DENND5A: variants seen among roughly 807,000 people sequenced by gnomAD.
DENND5A encodes DENN domain containing 5A.
Under a neutral mutation model 140.3 loss-of-function variants are expected in DENND5A, and 64 were observed. The ratio of observed to expected loss-of-function variants is 0.46; its 90% CI spans 0.37 to 0.56. DENND5A has a LOEUF of 0.56. DENND5A is among the 20% of genes least tolerant of loss of function. The probability of loss-of-function intolerance (pLI) is 0.00; values close to 1 mark genes in which losing one functional copy is unlikely to be tolerated. For synonymous variants in DENND5A, 605 were observed against 607.7 expected, an observed-to-expected ratio of 1.00 and a Z score of 0.07; for missense variants, 1,292 against 1,593.8, an observed-to-expected ratio of 0.81 and a Z score of 3.22.
At chr11:9,148,641 T>C (rs776937948) in intron 15 of DENND5A, among the ~76,000 whole-genome samples, 6 of 152,150 alleles carry the variant, frequency 3.9e-5, no homozygotes, top group Admixed American at 1.3e-4. Flanking sequence ...ATTTTCAGTG[T>C]AGGTACGGAG....
intron 15 of DENND5A, among the ~76,000 whole-genome samples, chr11:9,148,319 C>T (rs747800593): frequency 6.6e-5 from 10 of 150,838 alleles, no homozygotes; most frequent in South Asian, 6.3e-4. Context: ...AGAAGTTAAG[C>T]TACTGTACCA....
intron 8 of DENND5A, among the ~76,000 whole-genome samples, chr11:9,172,451 G>C (rs530087925): frequency 3.3e-5 from 5 of 152,244 alleles, no homozygotes; most frequent in African/African-American, 1.2e-4. Context: ...CTCCATGTCC[G>C]CACCCAAATC....
chr11:9,240,647 T>G (rs1045561135), intron 1 of DENND5A, among the ~76,000 whole-genome samples: 1 of 151,776 alleles, frequency 6.6e-6, no homozygotes, highest in Non-Finnish European at 1.5e-5. Flanking sequence ...GAGGCAGAGT[T>G]TGCAGTGAGC....
rs1358825164 is a variant in DENND5A at position 9,139,192 on chromosome 11, C to T, written c.*479G>A. The T allele has an allele frequency of 6.5e-6, 1 of 153,860 alleles. No homozygotes were observed. Among genetic ancestry groups the T allele is most frequent in the African/African-American group, 2.4e-5 (1 of 41,472 alleles). 9.5% of individuals were successfully genotyped at this position (153,860 alleles called of 1,614,324 possible). ...TGCTTAGAGGCACTACTAAAAATCC[C>T]TTTGATTGGAGCATGGGGCTTCCCG... On this transcript the variant is annotated 3_prime_UTR_variant, in exon 23 of 23. Transcript: ENST00000328194.
intron 8 of DENND5A, among the ~76,000 whole-genome samples, chr11:9,173,179 G>A (rs1460722235): frequency 6.6e-6 from 1 of 151,314 alleles, no homozygotes; most frequent in Non-Finnish European, 1.5e-5. Context: ...CTATACTCAG[G>A]GAAAATACCT....
At chr11:9,258,935 T>C (rs1852070766) in intron 1 of DENND5A, among the ~76,000 whole-genome samples, 1 of 152,140 alleles carries the variant, frequency 6.6e-6, no homozygotes, top group Non-Finnish European at 1.5e-5. Context: ...GTCACCTTTT[T>C]CTCTTTCTTA....
chr11:9,145,919 TGCTATCTCAGCTCAA>T, intron 16 of DENND5A, 104 bp from the exon 17 acceptor site: 1 of 1,254,198 alleles, frequency 8.0e-7, no homozygotes, highest in South Asian at 1.3e-5. Flanking sequence ...CTGTGGCTCC[TGCTATCTCAGCTCAA>T]GCAGAGCCCT....
At chr11:9,251,138 C>CA (rs887593530) in intron 1 of DENND5A, among the ~76,000 whole-genome samples, 3,933 of 90,048 alleles carry the variant, frequency 0.044, 142 homozygotes, top group African/African-American at 0.14. Context: ...CCATCTCAAA[C>CA]AAAAAAAAAA....
chr11:9,212,490 T>C (rs1040643371), intron 1 of DENND5A, among the ~76,000 whole-genome samples: 1 of 151,948 alleles, frequency 6.6e-6, no homozygotes, highest in Admixed American at 6.6e-5. Flanking sequence ...GACAAACTTC[T>C]AGAAACCAAT....
At chr11:9,190,284 G>C (rs1288425227) in intron 5 of DENND5A, among the ~76,000 whole-genome samples, 1 of 152,076 alleles carries the variant, frequency 6.6e-6, no homozygotes, top group Non-Finnish European at 1.5e-5. Context: ...TAAAATGTGA[G>C]GGCATAAGAT....
chr11:9,215,586 C>G (rs1428159345), intron 1 of DENND5A, among the ~76,000 whole-genome samples: 1 of 143,564 alleles, frequency 7.0e-6, no homozygotes, highest in Non-Finnish European at 1.5e-5. Context: ...CTCGCTCTGT[C>G]GCCCAGGCTA....
In DENND5A at chr11:9,193,686, G is replaced by C. The variant is rs758807706; in HGVS notation, c.950-5C>G. The C allele has an allele frequency of 6.3e-7, 1 of 1,594,990 alleles. No homozygotes were observed. Among genetic ancestry groups the C allele is most frequent in the Non-Finnish European group, 8.5e-7 (1 of 1,172,184 alleles). The stretch of plus-strand genomic sequence containing the variant: ...CAGTCATCAGTCTCTGGTAATCTGG[G>C]TCAACAACAACAAAAAAAGCACACA... On this transcript the variant is annotated splice_region_variant and splice_polypyrimidine_tract_variant and intron_variant, in intron 4 of 22. Coordinates refer to ENST00000328194, the MANE Select transcript of DENND5A (RefSeq NM_015213.4).
At chr11:9,173,723 A>G (rs1215843755) in intron 8 of DENND5A, among the ~76,000 whole-genome samples, 1 of 152,250 alleles carries the variant, frequency 6.6e-6, no homozygotes, top group Non-Finnish European at 1.5e-5. Flanking sequence ...GTGATAAGTT[A>G]AATGTGTACT....
At position 9,152,340 on chromosome 11, in the gene DENND5A, T is replaced by C. The variant is rs371716007; in HGVS notation, c.2521+18A>G. 3.2e-6 allele frequency: 5 copies of C among 1,563,226 alleles called. No homozygotes were observed. In the East Asian group the frequency reaches 6.7e-5, roughly 21 times the overall value. On this transcript the variant is annotated intron_variant, in intron 13 of 22. Transcript: ENST00000328194. ...AAGTGGAGAGAGGGCAGACTCTCCA[T>C]TGCAGAGACTATCTTACCTGAGGTA...
chr11:9,185,532 C>A (rs1428509349), intron 5 of DENND5A, among the ~76,000 whole-genome samples: 2 of 152,124 alleles, frequency 1.3e-5, no homozygotes, highest in Non-Finnish European at 2.9e-5. Flanking sequence ...GAAAACACTG[C>A]AGGGGCTAGG....
intron 5 of DENND5A, among the ~76,000 whole-genome samples, chr11:9,182,548 T>A (rs572348409): frequency 3.9e-5 from 6 of 152,338 alleles, no homozygotes; most frequent in African/African-American, 1.2e-4. Context: ...TTAAATACTT[T>A]GTAGTTTAAC....
intron 1 of DENND5A, among the ~76,000 whole-genome samples, chr11:9,209,243 T>C (rs1310447424): frequency 6.6e-6 from 1 of 152,162 alleles, no homozygotes; most frequent in Non-Finnish European, 1.5e-5. Flanking sequence ...TCTATGGCCA[T>C]AACCACCCTA....
At chr11:9,184,718 T>C (rs1848849387) in intron 5 of DENND5A, among the ~76,000 whole-genome samples, 1 of 152,238 alleles carries the variant, frequency 6.6e-6, no homozygotes, top group South Asian at 2.1e-4. Flanking sequence ...AATTAAGAAA[T>C]GTGCATTTTT....
chr11:9,152,997 C>CA (rs112900005), intron 12 of DENND5A, among the ~76,000 whole-genome samples: 16,401 of 106,824 alleles, frequency 0.15, 1,131 homozygotes, highest in South Asian at 0.21. Flanking sequence ...GACGCCGTCT[C>CA]AAAAAAAAAA....
Sources: allele counts gnomAD v4.1 joint callset (sites outside exome capture counted in the v4.1 genomes callset), GRCh38; gene constraint gnomAD v4.1.1; transcripts MANE v1.5; gene names NCBI Gene and HGNC (gene_info 2026-07-23, HGNC 2026-07-21).